SLC38A6: variants seen among roughly 807,000 people sequenced by gnomAD.
The protein encoded by SLC38A6 is N system amino acid transporter NAT-1.
A neutral mutation model predicts 65.0 loss-of-function variants in SLC38A6; 73 were observed. The observed-to-expected ratio is 1.12, with a 90% CI of 0.93 to 1.37. The LOEUF is 1.37. Ranked by LOEUF, SLC38A6 falls within the 40% of genes most tolerant of loss-of-function variation. The pLI is 0.00. For synonymous variants in SLC38A6, 183 were observed against 178.8 expected, an observed-to-expected ratio of 1.02 and a Z score of -0.19; for missense variants, 561 against 531.1, an observed-to-expected ratio of 1.06 and a Z score of -0.55.
chr14:61,019,956 A>G (rs2040255368), intron 5 of SLC38A6, among the ~76,000 whole-genome samples: 2 of 152,130 alleles, frequency 1.3e-5, no homozygotes, highest in Non-Finnish European at 2.9e-5. Flanking sequence ...TAGAGGGATT[A>G]GTGTTCCGTG....
At chr14:61,069,082 C>T (rs578022504) in intron 15 of SLC38A6, among the ~76,000 whole-genome samples, 1 of 152,274 alleles carries the variant, frequency 6.6e-6, no homozygotes, top group East Asian at 1.9e-4. Context: ...AAAATTACCA[C>T]ATGCAGGTTC....
intron 4 of SLC38A6, among the ~76,000 whole-genome samples, chr14:61,018,144 G>A (rs2040127930): frequency 6.6e-6 from 1 of 152,084 alleles, no homozygotes; most frequent in Admixed American, 6.5e-5. Flanking sequence ...TTCAGCCAAA[G>A]AATGAAAGAA....
chr14:61,012,072 G>A (rs1325137087), intron 3 of SLC38A6, among the ~76,000 whole-genome samples: 1 of 152,152 alleles, frequency 6.6e-6, no homozygotes. Context: ...CCTGTTATTG[G>A]TCTATTCAGA....
chr14:61,050,566 T>C lies in SLC38A6; in HGVS notation c.980T>C (p.Val327Ala), dbSNP rs1465830706. The C allele has an allele frequency of 6.3e-7, 1 of 1,595,798 alleles. No homozygotes were observed. Among genetic ancestry groups the C allele is most frequent in the South Asian group, 1.1e-5 (1 of 88,672 alleles). Reference protein sequence around the residue: ...KGYSKYLSHDVVVMTVKLCIL... With the variant: ...KGYSKYLSHDAVVMTVKLCIL... The stretch of plus-strand genomic sequence containing the variant: ...TATAGTAAATACTTATCACATGATG[T>C]TGTTGTCATGACTGTGAAGTTATGC... The change falls in exon 13 of 16, where the codon GTT becomes GCT. Residue 327 changes from valine (V) to alanine (A), a missense_variant. Val to Ala is a moderately conservative substitution (Grantham distance 64, BLOSUM62 0). Transcript: ENST00000267488.
At chr14:61,039,637 C>T (rs1438347622) in intron 8 of SLC38A6, among the ~76,000 whole-genome samples, 2 of 151,188 alleles carry the variant, frequency 1.3e-5, no homozygotes, top group South Asian at 2.1e-4. Context: ...TCCCAAAGTG[C>T]TGGGATTACA....
At chr14:61,044,808 A>T (rs1023197266) in intron 10 of SLC38A6, among the ~76,000 whole-genome samples, 4 of 152,194 alleles carry the variant, frequency 2.6e-5, no homozygotes, top group Non-Finnish European at 4.4e-5. Context: ...AATGATATTC[A>T]TTCCCATTGA....
rs1360543460 is a variant in SLC38A6 at position 61,037,618 on chromosome 14, T to G, written c.566-7T>G. The G allele has an allele frequency of 1.9e-6, 3 of 1,579,348 alleles. No homozygotes were observed. Among genetic ancestry groups the G allele is most frequent in the Non-Finnish European group, 2.6e-6 (3 of 1,158,636 alleles). On this transcript the variant is annotated splice_region_variant and splice_polypyrimidine_tract_variant and intron_variant, in intron 7 of 15. Coordinates refer to ENST00000267488, the MANE Select transcript of SLC38A6 (RefSeq NM_153811.3). ...AAATTGCTTTTTATTTTACTGTTAT[T>G]TTACAGGCTTTCTTGGCTACACAAG...
chr14:61,015,300 A>G (rs1595085970), intron 3 of SLC38A6, among the ~76,000 whole-genome samples: 1 of 152,212 alleles, frequency 6.6e-6, no homozygotes, highest in Non-Finnish European at 1.5e-5. Flanking sequence ...TTTGACTAGG[A>G]AAGGGAATTC....
intron 12 of SLC38A6, among the ~76,000 whole-genome samples, chr14:61,049,195 T>C (rs1292317913): frequency 6.6e-6 from 1 of 152,166 alleles, no homozygotes; most frequent in African/African-American, 2.4e-5. Flanking sequence ...TTGTAAGTCA[T>C]TATTGCATTT....
intron 3 of SLC38A6, among the ~76,000 whole-genome samples, chr14:60,987,795 G>C (rs1439799011): frequency 1.3e-5 from 2 of 152,210 alleles, no homozygotes; most frequent in Non-Finnish European, 1.5e-5. Flanking sequence ...GAGAGTGAGA[G>C]TCCTAGAACT....
chr14:61,083,540 T>G (rs527482453), intron 16 of SLC38A6: 2 of 1,548,202 alleles, frequency 1.3e-6, no homozygotes, highest in African/African-American at 2.7e-5. Flanking sequence ...GTGACTGGTG[T>G]TCTTGTAAGA....
chr14:61,081,693 T>A (rs2140008625), intron 16 of SLC38A6, among the ~76,000 whole-genome samples: 1 of 152,098 alleles, frequency 6.6e-6, no homozygotes, highest in Non-Finnish European at 1.5e-5. Flanking sequence ...CAAAAAAAAA[T>A]TTCTCTCCTG....
chr14:60,987,414 C>G (rs2037530347), intron 3 of SLC38A6: 1 of 152,874 alleles, frequency 6.5e-6, no homozygotes, highest in African/African-American at 2.4e-5. Context: ...ACATGAAATT[C>G]TACTTTAGAT....
In SLC38A6 at chr14:61,045,413, G is replaced by A; in HGVS notation, c.812G>A (p.Cys271Tyr). ...CATACCTCAATATTGCCCATATACT[G>A]TGAACTTCAAAGGTACTGTAGAATC... Reference protein sequence around the residue: ...LCHTSILPIYCELQSPSKKRM... With the variant: ...LCHTSILPIYYELQSPSKKRM... The change falls in exon 11 of 16, where the codon TGT (cysteine) becomes TAT (tyrosine). Residue 271 changes from cysteine (C) to tyrosine (Y), a missense_variant. Physicochemically the swap from Cys to Tyr is radical, Grantham distance 194 (BLOSUM62 -2). Coordinates refer to ENST00000267488, the MANE Select transcript of SLC38A6 (RefSeq NM_153811.3). The A allele has an allele frequency of 6.2e-7, 1 of 1,610,626 alleles. No individual in the cohort carries two copies. The highest frequency in any genetic ancestry group is 1.1e-5 in the South Asian group (1 of 90,914).
At chr14:61,027,449 T>G (rs1000457425) in intron 5 of SLC38A6, among the ~76,000 whole-genome samples, 13 of 152,168 alleles carry the variant, frequency 8.5e-5, no homozygotes, top group African/African-American at 2.7e-4. Flanking sequence ...TGCAAATTTT[T>G]GCTTATGATT....
chr14:61,004,845 G>C (rs902549108), intron 3 of SLC38A6, among the ~76,000 whole-genome samples: 3 of 152,138 alleles, frequency 2.0e-5, no homozygotes, highest in African/African-American at 7.2e-5. Context: ...TATGAGGCCA[G>C]CATCATCCTG....
At position 61,037,629 on chromosome 14, in the gene SLC38A6, T is replaced by C. The variant is rs1300610668; in HGVS notation, c.570T>C (p.Phe190=). 8.2e-6 allele frequency: 13 copies of C among 1,591,438 alleles called. No individual in the cohort carries two copies. In the South Asian group the frequency reaches 1.4e-4, roughly 17 times the overall value. The change falls in exon 8 of 16, where the codon TTT becomes TTC. Residue 190 remains phenylalanine, a synonymous_variant. Coordinates refer to ENST00000267488, the MANE Select transcript of SLC38A6 (RefSeq NM_153811.3). ...FPLALLPKIG[F]LGYTSSLSFF... ...TATTTTACTGTTATTTTACAGGCTT[T>C]CTTGGCTACACAAGTAGTTTATCAT...
At chr14:60,984,168 C>A (rs541478196) in intron 2 of SLC38A6, among the ~76,000 whole-genome samples, 1 of 152,316 alleles carries the variant, frequency 6.6e-6, no homozygotes, top group South Asian at 2.1e-4. Flanking sequence ...CAAATTGCAT[C>A]ATTAGAGGTG....
At chr14:61,021,655 A>C (rs192682018) in intron 5 of SLC38A6, among the ~76,000 whole-genome samples, 1 of 152,190 alleles carries the variant, frequency 6.6e-6, no homozygotes, top group Admixed American at 6.5e-5. Context: ...ACTTTTTTTT[A>C]AAAAGGTGAT....
Sources: gnomAD v4.1 joint callset for allele counts (sites outside exome capture counted in the v4.1 genomes callset) on GRCh38, gnomAD v4.1.1 for gene constraint, MANE v1.5 for transcripts, NCBI Gene and HGNC (gene_info 2026-07-23, HGNC 2026-07-21) for gene names.